NUP93: variants seen among roughly 807,000 people sequenced by gnomAD.
NUP93 encodes nuclear pore complex protein Nup93.
In NUP93, 55 loss-of-function variants were observed where a neutral mutation model predicts 107.8. The ratio of observed to expected loss-of-function variants is 0.51; its 90% CI spans 0.41 to 0.64. The LOEUF (loss-of-function observed/expected upper bound fraction) is 0.64, where lower values mean the gene tolerates loss of function less well. Ranked by LOEUF, NUP93 falls within the 30% of genes least tolerant of loss-of-function variation. The pLI is 0.00. For synonymous variants in NUP93, 390 were observed against 397.5 expected (o/e 0.98, Z 0.22); for missense variants, 937 against 1,044.7 (o/e 0.90, Z 1.42).
chr16:56,804,544 G>A (rs1331111338), intron 4 of NUP93, among the ~76,000 whole-genome samples: 1 of 152,070 alleles, frequency 6.6e-6, no homozygotes, highest in African/African-American at 2.4e-5. Flanking sequence ...GTTGCCAGGA[G>A]CTAAGAGATG....
rs1473321501 is a variant in NUP93 at position 56,798,505 on chromosome 16, C to A, written c.327C>A (p.Ala109=). ...TCCTGAAGAATGAGAAGGACAATGCCCTGCTGTCTGCCATCGAAGAGTCCC... is the reference window on the plus strand; with the variant it reads ...TCCTGAAGAATGAGAAGGACAATGCACTGCTGTCTGCCATCGAAGAGTCCC... ...QGFLKNEKDN[A]LLSAIEESRK... is the part of the protein sequence containing the mutation. The change falls in exon 4 of 22, where the codon GCC becomes GCA. Residue 109 remains alanine (A), a synonymous_variant. Transcript: ENST00000308159. 6.2e-7 allele frequency: 1 copy of A among 1,613,990 alleles called. No individual in the cohort carries two copies. Among genetic ancestry groups the A allele is most frequent in the Non-Finnish European group, 8.5e-7 (1 of 1,179,946 alleles).
At chr16:56,770,675 C>T (rs112411992) in intron 3 of NUP93, among the ~76,000 whole-genome samples, 23 of 152,146 alleles carry the variant, frequency 1.5e-4, no homozygotes, top group African/African-American at 4.3e-4. Context: ...ATACTTGAAA[C>T]GGTAGCCATC....
At chr16:56,781,083 C>T (rs1962506148) in intron 3 of NUP93, among the ~76,000 whole-genome samples, 1 of 152,146 alleles carries the variant, frequency 6.6e-6, no homozygotes. Context: ...AAAATCCCTT[C>T]CTGAGGAGCA....
chr16:56,801,659 C>T (rs578096187), intron 4 of NUP93, among the ~76,000 whole-genome samples: 1 of 152,208 alleles, frequency 6.6e-6, no homozygotes, highest in Non-Finnish European at 1.5e-5. Flanking sequence ...GCAATTTGCC[C>T]GCCTGGGCCA....
intron 3 of NUP93, chr16:56,783,956 C>T (rs780562170): frequency 2.9e-5 from 25 of 874,766 alleles, no homozygotes; most frequent in Non-Finnish European, 3.4e-5. Flanking sequence ...TTTAAATGAA[C>T]GCTGCAAATA....
intron 3 of NUP93, among the ~76,000 whole-genome samples, chr16:56,768,575 T>A (rs180978950): frequency 0.015 from 2,145 of 143,674 alleles, 51 homozygotes; most frequent in African/African-American, 0.051. Context: ...AAAAAAAAAA[T>A]TTTTTTTTTT....
chr16:56,820,001 A>G (rs1190288741), intron 6 of NUP93, among the ~76,000 whole-genome samples: 1 of 152,058 alleles, frequency 6.6e-6, no homozygotes, highest in Non-Finnish European at 1.5e-5. Context: ...GTGCATCTGT[A>G]TTCTTTACCC....
At position 56,831,839 on chromosome 16, in the gene NUP93, T is replaced by A. The variant is rs1567409927; in HGVS notation, c.1086-3T>A. Reference sequence around the variant, plus strand: ...CTATCTGTCTGTTCCCTTATGTCTGTAGATTGTCCCCAGCTACGGAAAACA... The same window carrying A: ...CTATCTGTCTGTTCCCTTATGTCTGAAGATTGTCCCCAGCTACGGAAAACA... On this transcript the variant is annotated splice_polypyrimidine_tract_variant and splice_region_variant and intron_variant, in intron 10 of 21. Coordinates refer to ENST00000308159, the MANE Select transcript of NUP93 (RefSeq NM_014669.5). The A allele has an allele frequency of 5.6e-6, 9 of 1,613,790 alleles. No individual in the cohort carries two copies. The highest frequency in any genetic ancestry group is 7.6e-6 in the Non-Finnish European group (9 of 1,179,852).
At chr16:56,828,933 A>G in intron 8 of NUP93, 44 bp from the exon 9 acceptor site, 1 of 1,600,424 alleles carries the variant, frequency 6.2e-7, no homozygotes, top group Non-Finnish European at 8.5e-7. Flanking sequence ...ATGTGTAATA[A>G]ATGTTTTCAG....
At chr16:56,782,289 A>G (rs1274578468) in intron 3 of NUP93, 1 of 845,226 alleles carries the variant, frequency 1.2e-6, no homozygotes, top group Admixed American at 6.2e-5. Flanking sequence ...ATGTTGTTGC[A>G]GTGCCTCTGA....
chr16:56,808,619 TA>T (rs1963231168), intron 5 of NUP93, among the ~76,000 whole-genome samples: 1 of 129,186 alleles, frequency 7.7e-6, no homozygotes, highest in Non-Finnish European at 1.6e-5. Flanking sequence ...TAAATATTTA[TA>T]AATATATAAA....
At chr16:56,755,832 A>G (rs2144475031) in intron 2 of NUP93, among the ~76,000 whole-genome samples, 1 of 152,298 alleles carries the variant, frequency 6.6e-6, no homozygotes, top group East Asian at 1.9e-4. Flanking sequence ...CTGAGATTGC[A>G]CCACTGTACT....
At chr16:56,793,364 T>C (rs1567390949) in intron 3 of NUP93, among the ~76,000 whole-genome samples, 1 of 151,996 alleles carries the variant, frequency 6.6e-6, no homozygotes, top group African/African-American at 2.4e-5. Flanking sequence ...TTGATGGGAA[T>C]GAAGGGATAG....
intron 3 of NUP93, among the ~76,000 whole-genome samples, chr16:56,769,463 C>A (rs1962280477): frequency 6.6e-6 from 1 of 152,086 alleles, no homozygotes; most frequent in South Asian, 2.1e-4. Context: ...ACAGAAAGAC[C>A]AAACCTGCTT....
chr16:56,837,686 A>G lies in NUP93; in HGVS notation c.1978A>G (p.Lys660Glu). The part of the protein sequence containing the change: ...VPQISAPQSN[K>E]ERLKNMALSI... ...CCAGATCAGTGCCCCGCAATCCAAC[A>G]AGGAGAGGCTGAAGAACATGGCACT... The change falls in exon 18 of 22, where the codon AAG (lysine) becomes GAG (glutamate). Residue 660 changes from lysine to glutamate, a missense_variant. By Grantham distance (56) the Lys-to-Glu change is moderately conservative. Transcript: ENST00000308159. The G allele has an allele frequency of 1.2e-6, 2 of 1,614,156 alleles. No individual in the cohort carries two copies. The highest frequency in any genetic ancestry group is 1.1e-5 in the South Asian group (1 of 91,082).
chr16:56,740,171 C>T (rs1346643795), intron 1 of NUP93, among the ~76,000 whole-genome samples: 2,831 of 87,432 alleles, frequency 0.032, no homozygotes, highest in African/African-American at 0.053. Flanking sequence ...CGGGCGGAGA[C>T]GCTCCTCACT....
chr16:56,817,594 C>G (rs1963459760), intron 5 of NUP93, among the ~76,000 whole-genome samples: 1 of 152,120 alleles, frequency 6.6e-6, no homozygotes, highest in African/African-American at 2.4e-5. Context: ...TAATTTTGAT[C>G]TGTATTTCTT....
Position 56,832,498 on chromosome 16 carries a change from A to G in NUP93, c.1345+110A>G, listed in dbSNP as rs529718308. The G allele has an allele frequency of 7.4e-5, 58 of 788,986 alleles. No individual in the cohort carries two copies. In the African/African-American group the frequency reaches 8.9e-4, roughly 12 times the overall value. The allele number at this position is 788,986 out of a possible 1,614,324, so 48.9% of individuals were successfully genotyped here. On this transcript the variant is annotated intron_variant, in intron 12 of 21. Coordinates refer to ENST00000308159, the MANE Select transcript of NUP93 (RefSeq NM_014669.5). The stretch of plus-strand genomic sequence containing the variant: ...CTCTGAACTTTTGTCTTTCTTCCAA[A>G]ACTCCTATAGATTGTCAAGGCAAAA...
chr16:56,800,725 C>T (rs1373258196), intron 4 of NUP93, among the ~76,000 whole-genome samples: 2 of 152,224 alleles, frequency 1.3e-5, no homozygotes, highest in African/African-American at 4.8e-5. Context: ...AAACAAGCTA[C>T]AAAACCACAA....
Sources: gnomAD v4.1 joint callset for allele counts (sites outside exome capture counted in the v4.1 genomes callset) on GRCh38, gnomAD v4.1.1 for gene constraint, MANE v1.5 for transcripts, NCBI Gene and HGNC (gene_info 2026-07-23, HGNC 2026-07-21) for gene names.